Variants in OPCML observed in about 807,000 individuals in gnomAD.
OPCML encodes opioid-binding protein/cell adhesion molecule.
In OPCML, 13 loss-of-function variants were observed where a neutral mutation model predicts 37.8. The ratio of observed to expected loss-of-function variants is 0.34; its 90% CI spans 0.22 to 0.55. The LOEUF is 0.55. Ranked by LOEUF, OPCML falls within the 20% of genes least tolerant of loss-of-function variation. The probability of loss-of-function intolerance (pLI) is 0.91; values close to 1 mark genes in which losing one functional copy is unlikely to be tolerated. For synonymous variants in OPCML, 176 were observed against 168.8 expected, an observed-to-expected ratio of 1.04 and a Z score of -0.33; for missense variants, 341 against 435.6, an observed-to-expected ratio of 0.78 and a Z score of 1.93.
chr11:133,052,011 T>C (rs540646310), intron 1 of OPCML, among the ~76,000 whole-genome samples: 2 of 152,188 alleles, frequency 1.3e-5, no homozygotes, highest in Non-Finnish European at 2.9e-5. Context: ...TTAGAATTTG[T>C]GGGGATTTCA....
intron 1 of OPCML, among the ~76,000 whole-genome samples, chr11:133,285,186 C>G (rs1592166753): frequency 6.6e-6 from 1 of 152,038 alleles, no homozygotes; most frequent in Non-Finnish European, 1.5e-5. Context: ...GTGTGTTTGT[C>G]CCATTTAGAA....
intron 2 of OPCML, among the ~76,000 whole-genome samples, chr11:132,820,283 A>G (rs1369824816): frequency 1.3e-5 from 2 of 152,062 alleles, no homozygotes; most frequent in Non-Finnish European, 2.9e-5. Flanking sequence ...CCACCTTCTC[A>G]TTCTGTCAAC....
intron 1 of OPCML, among the ~76,000 whole-genome samples, chr11:133,273,041 A>G (rs1192593904): frequency 6.6e-6 from 1 of 152,134 alleles, no homozygotes; most frequent in Non-Finnish European, 1.5e-5. Context: ...ATTACTCAAG[A>G]GCTCTGCATT....
chr11:133,359,541 C>T (rs4359217), intron 1 of OPCML, among the ~76,000 whole-genome samples: 109,276 of 152,092 alleles, frequency 0.72, 40,177 homozygotes, highest in African/African-American at 0.87. Context: ...GAGGCAGAGT[C>T]ACCAAAGTCC....
chr11:132,635,778 C>T (rs559948477), intron 3 of OPCML, among the ~76,000 whole-genome samples: 9 of 152,278 alleles, frequency 5.9e-5, no homozygotes, highest in African/African-American at 2.2e-4. Context: ...ATTCACTCCA[C>T]CCCACTGCCC....
intron 1 of OPCML, among the ~76,000 whole-genome samples, chr11:132,961,138 G>A (rs559737770): frequency 6.6e-6 from 1 of 152,106 alleles, no homozygotes; most frequent in Non-Finnish European, 1.5e-5. Flanking sequence ...AAATAGTGCT[G>A]GGCAGGGAGT....
At chr11:132,715,350 A>G (rs1422520999) in intron 2 of OPCML, among the ~76,000 whole-genome samples, 2 of 152,176 alleles carry the variant, frequency 1.3e-5, no homozygotes, top group African/African-American at 4.8e-5. Flanking sequence ...AGCTGTCCAC[A>G]AATTGACAGT....
chr11:133,235,793 T>C (rs1333460913), intron 1 of OPCML, among the ~76,000 whole-genome samples: 1 of 152,124 alleles, frequency 6.6e-6, no homozygotes, highest in Non-Finnish European at 1.5e-5. Context: ...CTACAACAAA[T>C]GGGTGGGGAG....
intron 2 of OPCML, among the ~76,000 whole-genome samples, chr11:132,887,363 G>A (rs901957345): frequency 2.0e-5 from 3 of 152,210 alleles, no homozygotes; most frequent in African/African-American, 7.2e-5. Flanking sequence ...TTCTCAGAAT[G>A]TGTCCTGGTG....
intron 1 of OPCML, among the ~76,000 whole-genome samples, chr11:133,508,942 C>T (rs1253229957): frequency 1.3e-5 from 2 of 152,056 alleles, no homozygotes; most frequent in Non-Finnish European, 2.9e-5. Flanking sequence ...AACTTATGCT[C>T]AACCCTTTCT....
At chr11:132,735,185 A>T (rs1283016245) in intron 2 of OPCML, among the ~76,000 whole-genome samples, 2 of 152,208 alleles carry the variant, frequency 1.3e-5, no homozygotes, top group African/African-American at 4.8e-5. Context: ...ATTTTAAAAA[A>T]TAGCTTCTGG....
intron 1 of OPCML, among the ~76,000 whole-genome samples, chr11:133,476,511 G>C (rs1180420387): frequency 6.6e-6 from 1 of 152,072 alleles, no homozygotes; most frequent in Non-Finnish European, 1.5e-5. Flanking sequence ...CATTCGTAGT[G>C]AATTTGCCTT....
intron 3 of OPCML, among the ~76,000 whole-genome samples, chr11:132,618,838 C>T (rs1160124358): frequency 6.6e-6 from 1 of 152,000 alleles, no homozygotes; most frequent in East Asian, 1.9e-4. Context: ...AGTTTCCATT[C>T]ATTCCTCCCC....
chr11:133,267,547 T>C (rs923373573), intron 1 of OPCML, among the ~76,000 whole-genome samples: 2 of 152,230 alleles, frequency 1.3e-5, no homozygotes, highest in African/African-American at 4.8e-5. Flanking sequence ...TTTTTGGTAT[T>C]AAATATAATG....
chr11:133,246,649 T>G (rs912992795), intron 1 of OPCML, among the ~76,000 whole-genome samples: 1 of 152,224 alleles, frequency 6.6e-6, no homozygotes, highest in Non-Finnish European at 1.5e-5. Context: ...TCAAGCTCAA[T>G]GTGGATGCCA....
intron 4 of OPCML, among the ~76,000 whole-genome samples, chr11:132,477,853 G>A (rs1454903897): frequency 1.3e-5 from 2 of 152,102 alleles, no homozygotes; most frequent in Non-Finnish European, 2.9e-5. Flanking sequence ...ATCTCTTGGG[G>A]TGCATAGAGT....
At chr11:132,657,470 T>C in intron 2 of OPCML, 151 bp from the exon 3 acceptor site, 4 of 1,415,352 alleles carry the variant, frequency 2.8e-6, no homozygotes, top group Non-Finnish European at 3.7e-6. Flanking sequence ...TGATGAAACT[T>C]CCTAAATATA....
At position 133,044,917 on chromosome 11, in the gene OPCML, C is replaced by T. The variant is rs529377695; in HGVS notation, c.62-101907G>A. 7.2e-5 allele frequency among the ~76,000 whole-genome samples: 11 copies of T among 152,316 alleles called. No individual in the cohort carries two copies. The South Asian group carries it at 1.4e-3, about 20-fold the overall frequency. ...ACTCTCTCATTTCCAAATGAGGACA[C>T]TAAAGACCAGCCCTGAATCTCAGAA... On this transcript the variant is annotated intron_variant, in intron 1 of 7. Transcript: ENST00000524381.
intron 2 of OPCML, among the ~76,000 whole-genome samples, chr11:132,914,507 G>T (rs1284913887): frequency 6.6e-6 from 1 of 152,276 alleles, no homozygotes; most frequent in South Asian, 2.1e-4. Context: ...ATTTGTTGTA[G>T]TTATGGCCAT....
Sources: allele counts gnomAD v4.1 joint callset (sites outside exome capture counted in the v4.1 genomes callset), GRCh38; gene constraint gnomAD v4.1.1; transcripts MANE v1.5; gene names NCBI Gene and HGNC (gene_info 2026-07-23, HGNC 2026-07-21).